NEBL: variants seen among roughly 807,000 people sequenced by gnomAD.
NEBL encodes the protein LIM and SH3 protein 2.
A neutral mutation model predicts 140.2 loss-of-function variants in NEBL; 122 were observed. The observed-to-expected ratio is 0.87, with a 90% CI of 0.75 to 1.01. The LOEUF is 1.01. Ranked by LOEUF, NEBL falls within the 50% of genes least tolerant of loss-of-function variation. NEBL has a pLI of 0.00. For synonymous variants in NEBL, 436 were observed against 398.9 expected (o/e 1.09, Z -1.11); for missense variants, 1,365 against 1,231.3 (o/e 1.11, Z -1.62).
intron 4 of NEBL, among the ~76,000 whole-genome samples, chr10:20,910,656 C>T (rs1445240925): frequency 6.6e-6 from 1 of 152,132 alleles, no homozygotes. Flanking sequence ...CCTTCAAAAT[C>T]CCTACACTGT....
At chr10:21,181,881 C>T (rs1442042432) in intron 3 of NEBL, among the ~76,000 whole-genome samples, 2 of 152,130 alleles carry the variant, frequency 1.3e-5, no homozygotes, top group Non-Finnish European at 2.9e-5. Context: ...GTTGACTGGC[C>T]CAGCTCACTT....
chr10:21,029,201 T>C (rs944941459), intron 2 of NEBL: 6 of 1,425,262 alleles, frequency 4.2e-6, no homozygotes, highest in East Asian at 4.6e-5. Flanking sequence ...GCGCCTCCAA[T>C]TGACCATTCC....
chr10:20,820,918 A>C (rs757304973), intron 19 of NEBL, among the ~76,000 whole-genome samples: 4 of 152,176 alleles, frequency 2.6e-5, no homozygotes, highest in Non-Finnish European at 4.4e-5. Context: ...GAGTGAAGGG[A>C]AGTTGAATAA....
chr10:21,032,386 T>C (rs1174592748), intron 2 of NEBL, among the ~76,000 whole-genome samples: 1 of 152,182 alleles, frequency 6.6e-6, no homozygotes, highest in Non-Finnish European at 1.5e-5. Context: ...CCTGATATTC[T>C]TCTGGGATTT....
chr10:20,792,535 C>T (rs1836100697), intron 26 of NEBL, among the ~76,000 whole-genome samples: 1 of 152,136 alleles, frequency 6.6e-6, no homozygotes. Context: ...GGCATGGTGG[C>T]TCACGCCTGT....
intron 2 of NEBL, among the ~76,000 whole-genome samples, chr10:21,031,034 G>A (rs1285595510): frequency 6.6e-6 from 1 of 152,220 alleles, no homozygotes; most frequent in Non-Finnish European, 1.5e-5. Flanking sequence ...GTGCCATATG[G>A]AATGAGAACA....
At chr10:21,197,525 C>T (rs935934661) in intron 3 of NEBL, among the ~76,000 whole-genome samples, 6 of 152,106 alleles carry the variant, frequency 3.9e-5, no homozygotes, top group African/African-American at 1.4e-4. Context: ...TCCCTAGAAG[C>T]TGTATAAAAT....
At chr10:21,076,171 G>T (rs772924084) in intron 2 of NEBL, among the ~76,000 whole-genome samples, 1 of 151,908 alleles carries the variant, frequency 6.6e-6, no homozygotes, top group African/African-American at 2.4e-5. Context: ...AACCAGGCAC[G>T]GTGGCTTACA....
chr10:21,020,827 C>T (rs1838761468), intron 2 of NEBL, among the ~76,000 whole-genome samples: 1 of 152,156 alleles, frequency 6.6e-6, no homozygotes. Context: ...TGTATCTCCC[C>T]ACTCAAGGTC....
chr10:21,080,831 A>T (rs1033206651), intron 2 of NEBL, among the ~76,000 whole-genome samples: 1 of 152,078 alleles, frequency 6.6e-6, no homozygotes, highest in Non-Finnish European at 1.5e-5. Flanking sequence ...TGTCATTTTT[A>T]AAATGTGATC....
intron 2 of NEBL, among the ~76,000 whole-genome samples, chr10:21,154,414 G>A (rs1014674690): frequency 1.4e-4 from 20 of 146,668 alleles, no homozygotes; most frequent in East Asian, 4.0e-4. Flanking sequence ...AGCTGAAATC[G>A]CGCCACTGCA....
At chr10:21,265,991 A>T (rs904691278) in intron 1 of NEBL, among the ~76,000 whole-genome samples, 31 of 152,194 alleles carry the variant, frequency 2.0e-4, no homozygotes, top group African/African-American at 7.2e-4. Flanking sequence ...CTAATCCGTC[A>T]TTGGTTAAAA....
chr10:21,002,148 G>A (rs1194363603), intron 3 of NEBL, among the ~76,000 whole-genome samples: 2 of 151,658 alleles, frequency 1.3e-5, no homozygotes, highest in Non-Finnish European at 2.9e-5. Flanking sequence ...TATCCTTGAT[G>A]TGGGAAGGAG....
chr10:21,081,601 A>G (rs760665777), intron 2 of NEBL, among the ~76,000 whole-genome samples: 2 of 152,204 alleles, frequency 1.3e-5, no homozygotes, highest in African/African-American at 2.4e-5. Context: ...TGACACTCCA[A>G]TAGCAACAAG....
chr10:21,020,282 C>G (rs144925755), intron 2 of NEBL: 2 of 1,197,874 alleles, frequency 1.7e-6, no homozygotes, highest in Non-Finnish European at 2.5e-6. Context: ...TTTTGCACAT[C>G]CCCCCTTTTC....
At chr10:21,142,450 T>C (rs1486297118) in intron 2 of NEBL, among the ~76,000 whole-genome samples, 1 of 152,104 alleles carries the variant, frequency 6.6e-6, no homozygotes, top group South Asian at 2.1e-4. Context: ...AAGAGAATAC[T>C]TGGGCAAACA....
chr10:20,874,245 T>A (rs2131273919), intron 5 of NEBL, among the ~76,000 whole-genome samples: 1 of 152,316 alleles, frequency 6.6e-6, no homozygotes, highest in Non-Finnish European at 1.5e-5. Context: ...GGTTTTTTAA[T>A]TTGGAAACAG....
At chr10:21,283,996 G>A (rs35732149) in intron 1 of NEBL, among the ~76,000 whole-genome samples, 15,873 of 142,110 alleles carry the variant, frequency 0.11, 1,121 homozygotes, top group African/African-American at 0.19. Flanking sequence ...TCAGGAGTTC[G>A]AGACCAGCCT....
intron 3 of NEBL, among the ~76,000 whole-genome samples, chr10:21,215,263 C>A (rs946577432): frequency 3.3e-5 from 5 of 152,114 alleles, no homozygotes; most frequent in Non-Finnish European, 5.9e-5. Context: ...GAGCTATGAT[C>A]ACGCCACTGT....
Sources: gnomAD v4.1 joint callset for allele counts (sites outside exome capture counted in the v4.1 genomes callset) on GRCh38, gnomAD v4.1.1 for gene constraint, MANE v1.5 for transcripts, NCBI Gene and HGNC (gene_info 2026-07-23, HGNC 2026-07-21) for gene names.